The following FOXD3 variants were observed in gnomAD, a reference collection of about 807,000 sequenced individuals.
The protein encoded by FOXD3 is forkhead box protein D3.
In FOXD3, 3 loss-of-function variants were observed where a neutral mutation model predicts 3.6. That is an observed-to-expected ratio of 0.84 (90% CI 0.38 to 2.18). FOXD3 has a LOEUF of 2.18. Ranked by LOEUF, FOXD3 falls within the 30% of genes most tolerant of loss-of-function variation. The probability of loss-of-function intolerance (pLI) is 0.06; values close to 1 mark genes in which losing one functional copy is unlikely to be tolerated. For synonymous variants in FOXD3, 391 were observed against 360.9 expected, an observed-to-expected ratio of 1.08 and a Z score of -0.94; for missense variants, 686 against 731.6, an observed-to-expected ratio of 0.94 and a Z score of 0.72.
At position 63,322,958 on chromosome 1, in the gene FOXD3, G is replaced by T. The variant is rs891022337; in HGVS notation, c.-101G>T. ...CCCCTCTCCCTGCCCCCCATCTTTC[G>T]GGGGCACTCAAACCCTCTTCCCCTG... On this transcript the variant is annotated 5_prime_UTR_variant, in exon 1 of 1. Coordinates refer to ENST00000371116, the MANE Select transcript of FOXD3 (RefSeq NM_012183.3). The T allele has an allele frequency of 1.4e-6, 2 of 1,402,866 alleles. No individual in the cohort carries two copies. The highest frequency in any genetic ancestry group is 1.8e-6 in the Non-Finnish European group (2 of 1,082,334). The allele number at this position is 1,402,866 out of a possible 1,614,324, so 86.9% of individuals were successfully genotyped here. A position where few individuals can be genotyped will look rare whatever the true frequency, so the allele number is the denominator to read the frequency against.
chr1:63,324,588 G>A lies in FOXD3; in HGVS notation c.*93G>A, dbSNP rs1647061470. 1.1e-6 allele frequency: 1 copy of A among 949,154 alleles called. No homozygotes were observed. The highest frequency in any genetic ancestry group is 1.6e-6 in the Non-Finnish European group (1 of 625,644). The allele number at this position is 949,154 out of a possible 1,614,324, so 58.8% of individuals were successfully genotyped here. A position where few individuals can be genotyped will look rare whatever the true frequency, so the allele number is the denominator to read the frequency against. On this transcript the variant is annotated 3_prime_UTR_variant, in exon 1 of 1. Transcript: ENST00000371116. The surrounding 1 kb of genome is among the most constrained non-coding windows in gnomAD (Gnocchi z 4.1). ...CGCGCCCTGTCCCAAGCCCGGTCCC[G>A]GTCCCGCTGCCCAATCCTGGACTCT...
At position 63,324,035 on chromosome 1, in the gene FOXD3, T is replaced by C. The variant is rs1647053078; in HGVS notation, c.977T>C (p.Leu326Pro). The part of the protein sequence containing the change: ...PAVPLLPSGE[L>P]GRKAAAFGSQ... ...GTGCCGCTGCTGCCCTCGGGCGAGC[T>C]GGGCCGCAAAGCGGCCGCCTTCGGC... is the stretch of plus-strand genomic sequence containing the variant. The change falls in exon 1 of 1, where the codon CTG becomes CCG. Residue 326 changes from leucine to proline, a missense_variant. This residue lies in a region of FOXD3 where 370 missense variants were observed against 372.3 expected (regional missense o/e 0.99). Coordinates refer to ENST00000371116, the MANE Select transcript of FOXD3 (RefSeq NM_012183.3). The surrounding 1 kb of genome is among the most constrained non-coding windows in gnomAD (Gnocchi z 4.1). The C allele has an allele frequency of 7.3e-7, 1 of 1,377,374 alleles. No individual in the cohort carries two copies. Among genetic ancestry groups the C allele is most frequent in the South Asian group, 1.7e-5 (1 of 58,872 alleles). The allele number at this position is 1,377,374 out of a possible 1,614,324, so 85.3% of individuals were successfully genotyped here.
At position 63,324,156 on chromosome 1, in the gene FOXD3, G is replaced by T; in HGVS notation, c.1098G>T (p.Ser366=). ...CGGGCGCCGCGGGCACCACCGCGTC[G>T]CTCATCAAGTCCGAGCCAAGCGCGC... The part of the protein sequence containing the change: ...GTAGAAGTTA[S]LIKSEPSARP... The change falls in exon 1 of 1, where the codon TCG becomes TCT. Residue 366 remains serine (S), a synonymous_variant. Coordinates refer to ENST00000371116, the MANE Select transcript of FOXD3 (RefSeq NM_012183.3). This position sits in a 1 kb window ranked among gnomAD's most constrained non-coding sequence, Gnocchi z 4.1. 7.0e-7 allele frequency: 1 copy of T among 1,434,564 alleles called. No individual in the cohort carries two copies. 88.9% of individuals were successfully genotyped at this position (1,434,564 alleles called of 1,614,324 possible). A position where few individuals can be genotyped will look rare whatever the true frequency, so the allele number is the denominator to read the frequency against.
In FOXD3 at chr1:63,324,550, C is replaced by A; in HGVS notation, c.*55C>A. ...CGGCGGCGGCCTCGAGCAACAAATG[C>A]ACCTCCAGGCTGCGCGCCCTGTCCC... On this transcript the variant is annotated 3_prime_UTR_variant, in exon 1 of 1. Transcript: ENST00000371116. This position sits in a 1 kb window ranked among gnomAD's most constrained non-coding sequence, Gnocchi z 4.1. 7.6e-7 allele frequency: 1 copy of A among 1,318,730 alleles called. No homozygotes were observed. The highest frequency in any genetic ancestry group is 1.1e-6 in the Non-Finnish European group (1 of 949,856). The allele number at this position is 1,318,730 out of a possible 1,614,324, so 81.7% of individuals were successfully genotyped here.
Position 63,323,194 on chromosome 1 carries a change from A to G in FOXD3, c.136A>G (p.Ser46Gly), listed in dbSNP as rs753198502. 1.9e-6 allele frequency: 3 copies of G among 1,548,770 alleles called. No individual in the cohort carries two copies. Among genetic ancestry groups the G allele is most frequent in the South Asian group, 1.2e-5 (1 of 84,266 alleles). ...GAAGGACAGCGACGCAGGTTGCGAT[A>G]GCCCCGCGGGGCCGCCGGAGCTGCG... is the stretch of plus-strand genomic sequence containing the variant. ...EEKDSDAGCD[S>G]PAGPPELRLD... The change falls in exon 1 of 1, where the codon AGC (serine) becomes GGC (glycine). Residue 46 changes from serine (S) to glycine (G), a missense_variant. Ser to Gly is a moderately conservative substitution (Grantham distance 56, BLOSUM62 0). Around this residue, in one of 3 missense-constraint regions of FOXD3, gnomAD observed 232 missense variants for 214.0 expected, o/e 1.08. Transcript: ENST00000371116. This position sits in a 1 kb window ranked among gnomAD's most constrained non-coding sequence, Gnocchi z 6.8.
rs770035947 is a variant in FOXD3, at chr1:63,323,812, A to T, written c.754A>T (p.Met252Leu). 6.7e-7 allele frequency: 1 copy of T among 1,485,750 alleles called. No homozygotes were observed. The allele number at this position is 1,485,750 out of a possible 1,614,324, so 92.0% of individuals were successfully genotyped here. The change falls in exon 1 of 1, where the codon ATG becomes TTG. Residue 252 changes from methionine to leucine, a missense_variant. Physicochemically the swap from Met to Leu is conservative, Grantham distance 15. Coordinates refer to ENST00000371116, the MANE Select transcript of FOXD3 (RefSeq NM_012183.3). This position sits in a 1 kb window ranked among gnomAD's most constrained non-coding sequence, Gnocchi z 6.8. ...GCACCTGCGCGAGCAGACGGCGCTC[A>T]TGATGCAGAGCTTCGGCGCTTACAG... is the stretch of plus-strand genomic sequence containing the variant. ...QEHLREQTALMMQSFGAYSLA... is the reference protein window; with the variant it reads ...QEHLREQTALLMQSFGAYSLA...
In FOXD3 at chr1:63,323,245, C is replaced by A; in HGVS notation, c.187C>A (p.Pro63Thr). 1 of 1,521,680 alleles carries A rather than the reference C, an allele frequency of 6.6e-7. No homozygotes were observed. Among genetic ancestry groups the A allele is most frequent in the South Asian group, 1.2e-5 (1 of 82,472 alleles). The allele number at this position is 1,521,680 out of a possible 1,614,324, so 94.3% of individuals were successfully genotyped here. A position where few individuals can be genotyped will look rare whatever the true frequency, so the allele number is the denominator to read the frequency against. ...CCTGGACGAGGCGGACGAGGTGCCC[C>A]CGGCGGCACCCCATCACGGACAGCC... is the stretch of plus-strand genomic sequence containing the variant. ...LRLDEADEVP[P>T]AAPHHGQPQP... The change falls in exon 1 of 1, where the codon CCG becomes ACG. Residue 63 changes from proline (P) to threonine (T), a missense_variant. Transcript: ENST00000371116. The surrounding 1 kb of genome is among the most constrained non-coding windows in gnomAD (Gnocchi z 6.8).
rs1647033943 is a variant in FOXD3, at chr1:63,322,764, G to T, written c.-295G>T. The T allele has an allele frequency of 1.0e-6, 1 of 985,282 alleles. No individual in the cohort carries two copies. Among genetic ancestry groups the T allele is most frequent in the Non-Finnish European group, 1.2e-6 (1 of 829,916 alleles). The allele number at this position is 985,282 out of a possible 1,614,324, so 61.0% of individuals were successfully genotyped here. On this transcript the variant is annotated 5_prime_UTR_variant, in exon 1 of 1. Transcript: ENST00000371116. ...GCTAAGTGAGGGGGCGCGGCGTGGA[G>T]AACCGCCGGGGCCGGGAGCGGTAGC...
At position 63,322,575 on chromosome 1, in the gene FOXD3, CG is replaced by C; in HGVS notation, c.-481del. ...TAATCTATCAGGCCAGTCCTTAAAACGGGACTTTCGACTACCGGGGCTTCGG... is the reference window on the plus strand; with the variant it reads ...TAATCTATCAGGCCAGTCCTTAAAACGGACTTTCGACTACCGGGGCTTCGG... On this transcript the variant is annotated 5_prime_UTR_variant, in exon 1 of 1. Transcript: ENST00000371116. 1 of 985,458 alleles carries C rather than the reference CG, an allele frequency of 1.0e-6. No homozygotes were observed. Among genetic ancestry groups the C allele is most frequent in the Non-Finnish European group, 1.2e-6 (1 of 829,366 alleles). 61.0% of individuals were successfully genotyped at this position (985,458 alleles called of 1,614,324 possible).
At position 63,323,861 on chromosome 1, in the gene FOXD3, C is replaced by T. The variant is rs752440666; in HGVS notation, c.803C>T (p.Ala268Val). 5 of 1,537,596 alleles carry T rather than the reference C, an allele frequency of 3.3e-6. No individual in the cohort carries two copies. In the East Asian group the frequency reaches 7.2e-5, roughly 22 times the overall value. The change falls in exon 1 of 1, where the codon GCG (alanine) becomes GTG (valine). Residue 268 changes from alanine to valine, a missense_variant. Ala to Val is a moderately conservative substitution (Grantham distance 64, BLOSUM62 0). Coordinates refer to ENST00000371116, the MANE Select transcript of FOXD3 (RefSeq NM_012183.3). The surrounding 1 kb of genome is among the most constrained non-coding windows in gnomAD (Gnocchi z 6.8). The part of the protein sequence containing the change: ...AYSLAAAAGA[A>V]GPYGRPYGLH... ...AGCCTGGCGGCGGCGGCCGGCGCCG[C>T]GGGACCCTACGGCCGCCCCTACGGC...
rs1405198391 is a variant in FOXD3 at position 63,323,928 on chromosome 1, A to AGCGGCG, written c.876_881dup (p.Ala299_Ala300dup). On this transcript the variant is annotated inframe_insertion, in exon 1 of 1. Coordinates refer to ENST00000371116, the MANE Select transcript of FOXD3 (RefSeq NM_012183.3). This position sits in a 1 kb window ranked among gnomAD's most constrained non-coding sequence, Gnocchi z 6.8. Reference sequence around the variant, plus strand: ...CGGCCGGTGCCTATTCGCACCCGGCAGCGGCGGCGGCCGCGGCTGCTGCGG... The same window carrying AGCGGCG: ...CGGCCGGTGCCTATTCGCACCCGGCAGCGGCGGCGGCGGCGGCCGCGGCTGCTGCGG... 4.0e-6 allele frequency: 5 copies of AGCGGCG among 1,252,194 alleles called. No homozygotes were observed. In the East Asian group the frequency reaches 1.3e-4, roughly 33 times the overall value. 77.6% of individuals were successfully genotyped at this position (1,252,194 alleles called of 1,614,324 possible). A position where few individuals can be genotyped will look rare whatever the true frequency, so the allele number is the denominator to read the frequency against.
rs1647049453 is a variant in FOXD3, at chr1:63,323,827, G to C, written c.769G>C (p.Gly257Arg). The change falls in exon 1 of 1, where the codon GGC becomes CGC. Residue 257 changes from glycine (G) to arginine (R), a missense_variant. Transcript: ENST00000371116. This position sits in a 1 kb window ranked among gnomAD's most constrained non-coding sequence, Gnocchi z 6.8. Reference protein sequence around the residue: ...EQTALMMQSFGAYSLAAAAGA... With the variant: ...EQTALMMQSFRAYSLAAAAGA... ...GACGGCGCTCATGATGCAGAGCTTC[G>C]GCGCTTACAGCCTGGCGGCGGCGGC... 1.1e-5 allele frequency: 17 copies of C among 1,607,078 alleles called. No individual in the cohort carries two copies. The highest frequency in any genetic ancestry group is 1.4e-5 in the Non-Finnish European group (17 of 1,178,350).
chr1:63,322,981 C>CT lies in FOXD3; in HGVS notation c.-77dup. On this transcript the variant is annotated 5_prime_UTR_variant, in exon 1 of 1. Coordinates refer to ENST00000371116, the MANE Select transcript of FOXD3 (RefSeq NM_012183.3). ...TCGGGGGCACTCAAACCCTCTTCCCCTGAGCTCCGTGGCAGCCCCCGAACA... is the reference window on the plus strand; with the variant it reads ...TCGGGGGCACTCAAACCCTCTTCCCCTTGAGCTCCGTGGCAGCCCCCGAACA... 1 of 1,478,480 alleles carries CT rather than the reference C, an allele frequency of 6.8e-7. No individual in the cohort carries two copies. Among genetic ancestry groups the CT allele is most frequent in the South Asian group, 1.3e-5 (1 of 76,416 alleles). The allele number at this position is 1,478,480 out of a possible 1,614,324, so 91.6% of individuals were successfully genotyped here.
chr1:63,323,308 G>A lies in FOXD3; in HGVS notation c.250G>A (p.Glu84Lys). 1 of 1,400,032 alleles carries A rather than the reference G, an allele frequency of 7.1e-7. No homozygotes were observed. The highest frequency in any genetic ancestry group is 9.3e-7 in the Non-Finnish European group (1 of 1,080,764). The allele number at this position is 1,400,032 out of a possible 1,614,324, so 86.7% of individuals were successfully genotyped here. ...CCAGCAGCCCCTGACATTGCCCAAG[G>A]AGGCGGCCGGAGCCGGGGCCGGACC... ...PHQQPLTLPK[E>K]AAGAGAGPGG... Residue 84 changes from glutamate (E) to lysine (K), a missense_variant, in exon 1 of 1, where the codon GAG (glutamate) becomes AAG (lysine). By Grantham distance (56) the Glu-to-Lys change is moderately conservative. Coordinates refer to ENST00000371116, the MANE Select transcript of FOXD3 (RefSeq NM_012183.3). This position sits in a 1 kb window ranked among gnomAD's most constrained non-coding sequence, Gnocchi z 6.8.
chr1:63,324,579 C>A lies in FOXD3; in HGVS notation c.*84C>A. 1.0e-6 allele frequency: 1 copy of A among 979,762 alleles called. No homozygotes were observed. Among genetic ancestry groups the A allele is most frequent in the Non-Finnish European group, 1.5e-6 (1 of 652,776 alleles). 60.7% of individuals were successfully genotyped at this position (979,762 alleles called of 1,614,324 possible). On this transcript the variant is annotated 3_prime_UTR_variant, in exon 1 of 1. Transcript: ENST00000371116. This position sits in a 1 kb window ranked among gnomAD's most constrained non-coding sequence, Gnocchi z 4.1. Reference sequence around the variant, plus strand: ...TCCAGGCTGCGCGCCCTGTCCCAAGCCCGGTCCCGGTCCCGCTGCCCAATC... The same window carrying A: ...TCCAGGCTGCGCGCCCTGTCCCAAGACCGGTCCCGGTCCCGCTGCCCAATC...
In FOXD3 at chr1:63,324,582, G is replaced by C; in HGVS notation, c.*87G>C. On this transcript the variant is annotated 3_prime_UTR_variant, in exon 1 of 1. Coordinates refer to ENST00000371116, the MANE Select transcript of FOXD3 (RefSeq NM_012183.3). The surrounding 1 kb of genome is among the most constrained non-coding windows in gnomAD (Gnocchi z 4.1). Reference sequence around the variant, plus strand: ...AGGCTGCGCGCCCTGTCCCAAGCCCGGTCCCGGTCCCGCTGCCCAATCCTG... The same window carrying C: ...AGGCTGCGCGCCCTGTCCCAAGCCCCGTCCCGGTCCCGCTGCCCAATCCTG... The C allele has an allele frequency of 1.0e-6, 1 of 986,156 alleles. No homozygotes were observed. Among genetic ancestry groups the C allele is most frequent in the Non-Finnish European group, 1.5e-6 (1 of 658,764 alleles). The allele number at this position is 986,156 out of a possible 1,614,324, so 61.1% of individuals were successfully genotyped here.
chr1:63,322,674 G>C lies in FOXD3; in HGVS notation c.-385G>C, dbSNP rs536758363. 1.3e-5 allele frequency: 13 copies of C among 973,716 alleles called. No homozygotes were observed. The South Asian group carries it at 5.2e-4, about 39-fold the overall frequency. 60.3% of individuals were successfully genotyped at this position (973,716 alleles called of 1,614,324 possible). A position where few individuals can be genotyped will look rare whatever the true frequency, so the allele number is the denominator to read the frequency against. Reference sequence around the variant, plus strand: ...CGCCCTCCCGAGCTGCTCGGCGCCCGGCGTCCCGCGCCCGCCTGGACCGCT... The same window carrying C: ...CGCCCTCCCGAGCTGCTCGGCGCCCCGCGTCCCGCGCCCGCCTGGACCGCT... On this transcript the variant is annotated 5_prime_UTR_variant, in exon 1 of 1. Transcript: ENST00000371116.
Position 63,323,205 on chromosome 1 carries a change from G to A in FOXD3, c.147G>A (p.Gly49=), listed in dbSNP as rs373438026. ...ACGCAGGTTGCGATAGCCCCGCGGG[G>A]CCGCCGGAGCTGCGCCTGGACGAGG... ...DSDAGCDSPA[G]PPELRLDEAD... The change falls in exon 1 of 1, where the codon GGG becomes GGA. Residue 49 remains glycine, a synonymous_variant. Coordinates refer to ENST00000371116, the MANE Select transcript of FOXD3 (RefSeq NM_012183.3). The surrounding 1 kb of genome is among the most constrained non-coding windows in gnomAD (Gnocchi z 6.8). The A allele has an allele frequency of 1.9e-6, 3 of 1,539,538 alleles. No individual in the cohort carries two copies. The highest frequency in any genetic ancestry group is 2.8e-5 in the African/African-American group (2 of 70,646).
Position 63,323,856 on chromosome 1 carries a change from C to T in FOXD3, c.798C>T (p.Gly266=), listed in dbSNP as rs1317632333. The change falls in exon 1 of 1, where the codon GGC becomes GGT. Residue 266 remains glycine (G), a synonymous_variant. Transcript: ENST00000371116. This position sits in a 1 kb window ranked among gnomAD's most constrained non-coding sequence, Gnocchi z 6.8. The part of the protein sequence containing the change: ...FGAYSLAAAA[G]AAGPYGRPYG... ...CTTACAGCCTGGCGGCGGCGGCCGG[C>T]GCCGCGGGACCCTACGGCCGCCCCT... 5 of 1,543,362 alleles carry T rather than the reference C, an allele frequency of 3.2e-6. No homozygotes were observed. Among genetic ancestry groups the T allele is most frequent in the African/African-American group, 2.8e-5 (2 of 71,844 alleles).
Sources: allele counts gnomAD v4.1 joint callset, GRCh38; gene constraint gnomAD v4.1.1; regional missense constraint gnomAD v4.1.1; non-coding constraint Gnocchi (gnomAD v3.1); transcripts MANE v1.5; gene names NCBI Gene and HGNC (gene_info 2026-07-23, HGNC 2026-07-21).